The following EPPK1 variants were observed in gnomAD, a reference collection of about 807,000 sequenced individuals.
EPPK1 encodes the protein epiplakin 1, also known as epiplakin.
For missense variants in EPPK1, 3,823 were observed against 3,673.3 expected (o/e 1.04, Z -1.05); for synonymous variants, 1,862 against 1,721.2 (o/e 1.08, Z -2.03).
In EPPK1 at chr8:143,869,823, A is replaced by C. The variant is rs373850122; in HGVS notation, c.3431T>G (p.Leu1144Arg). ...AVPGAKDGTS[L>R]WDLLSSCHFT... ...GTGGCAGGAGCTGAGCAGGTCCCAG[A>C]GGGATGTGCCATCCTTGGCCCCCGG... The change falls in exon 2 of 2, where the codon CTC becomes CGC. Residue 1144 changes from leucine (L) to arginine (R), a missense_variant. By Grantham distance (102) the Leu-to-Arg change is moderately radical. Coordinates refer to ENST00000615648, the MANE Select transcript of EPPK1 (RefSeq NM_031308.4). The C allele has an allele frequency of 1.3e-6, 2 of 1,599,746 alleles. No individual in the cohort carries two copies. Among genetic ancestry groups the C allele is most frequent in the African/African-American group, 1.3e-5 (1 of 74,674 alleles).
In EPPK1 at chr8:143,866,071, G is replaced by A; in HGVS notation, c.7183C>T (p.Leu2395Phe). 1 of 238,358 alleles carries A rather than the reference G, an allele frequency of 4.2e-6. No homozygotes were observed. 14.8% of individuals were successfully genotyped at this position (238,358 alleles called of 1,614,324 possible). ...GFFDPNTHEN[L>F]TYVQLLRRCV... is the part of the protein sequence containing the mutation. ...CGGCGCAGCAGCTGCACGTACGTGA[G>A]GTTCTCGTGCGTGTTGGGGTCGAAG... is the stretch of plus-strand genomic sequence containing the variant. The change falls in exon 2 of 2, where the codon CTC becomes TTC. Residue 2395 changes from leucine (L) to phenylalanine (F), a missense_variant. Physicochemically the swap from Leu to Phe is conservative, Grantham distance 22. Coordinates refer to ENST00000615648, the MANE Select transcript of EPPK1 (RefSeq NM_031308.4).
Position 143,866,928 on chromosome 8 carries a change from T to G in EPPK1, c.6326A>C (p.Glu2109Ala), listed in dbSNP as rs1220994374. The change falls in exon 2 of 2, where the codon GAA becomes GCA. Residue 2109 changes from glutamate to alanine, a missense_variant. Physicochemically the swap from Glu to Ala is moderately radical, Grantham distance 107. Transcript: ENST00000615648. The stretch of plus-strand genomic sequence containing the variant: ...GCCTCTGAACCTTCCCACTGTGATT[T>G]CCACTTGCTCTGCCTCCAGGGCCCT... ...TRRALEAEQV[E>A]ITVGRFRGQK... The G allele has an allele frequency of 6.2e-7, 1 of 1,613,014 alleles. No homozygotes were observed. The highest frequency in any genetic ancestry group is 2.2e-5 in the East Asian group (1 of 44,880).
At chr8:143,877,923 G>A (rs1025267574) in intron 1 of EPPK1, among the ~76,000 whole-genome samples, 2 of 152,018 alleles carry the variant, frequency 1.3e-5, no homozygotes, top group African/African-American at 2.4e-5. Flanking sequence ...GACCCGGAGT[G>A]GCCACCCCTG....
chr8:143,878,191 G>GA lies in EPPK1; in HGVS notation c.-46+246_-46+247insT, dbSNP rs565535383. Among the ~76,000 whole-genome samples the GA allele has an allele frequency of 8.7e-4, 132 of 151,180 alleles. 3 individuals are homozygous for GA. The South Asian group carries it at 0.026, about 29-fold the overall frequency. On this transcript the variant is annotated intron_variant, in intron 1 of 1. Transcript: ENST00000615648. ...CTTCACCGGCGCCCGGGACTCAGGG[G>GA]CGCCACTTCGGACTCGGAGCTCAAA...
rs1819365426 is a variant in EPPK1 at position 143,871,932 on chromosome 8, C to A, written c.1322G>T (p.Gly441Val). The A allele has an allele frequency of 6.2e-7, 1 of 1,603,082 alleles. No individual in the cohort carries two copies. Among genetic ancestry groups the A allele is most frequent in the Admixed American group, 1.7e-5 (1 of 59,792 alleles). The change falls in exon 2 of 2, where the codon GGC becomes GTC. Residue 441 changes from glycine (G) to valine (V), a missense_variant. Gly to Val is a moderately radical substitution (Grantham distance 109). Transcript: ENST00000615648. Reference sequence around the variant, plus strand: ...TTCATAGCGCAGGCCGCCGTGCGTGCCGTCTGAGAAGCTGCCAGCCTGCGA... The same window carrying A: ...TTCATAGCGCAGGCCGCCGTGCGTGACGTCTGAGAAGCTGCCAGCCTGCGA... ...QLSQAGSFSD[G>V]THGGLRYEQL...
rs1554661683 is a variant in EPPK1 at position 143,872,720 on chromosome 8, G to A, written c.534C>T (p.Gly178=). 2 of 1,594,628 alleles carry A rather than the reference G, an allele frequency of 1.3e-6. No individual in the cohort carries two copies. The highest frequency in any genetic ancestry group is 1.7e-6 in the Non-Finnish European group (2 of 1,168,864). The change falls in exon 2 of 2, where the codon GGC becomes GGT. Residue 178 remains glycine (G), a synonymous_variant. Transcript: ENST00000615648. ...TGTGCCATGTCTCCCGGTCCAGGAG[G>A]CCCTGGTGGCAGGCTGGCTCAGGGG... is the stretch of plus-strand genomic sequence containing the variant. ...LVAPEPACHQ[G]LLDRETWHKL... is the part of the protein sequence containing the mutation.
Position 143,867,341 on chromosome 8 carries a change from A to C in EPPK1, c.5913T>G (p.Ala1971=). ...CCCTGTAGCCCGTGGCAGCTCTTTC[A>C]GCCTTCAGGAGCCTCTCCCGCAGCT... The part of the protein sequence containing the change: ...NEELRERLLK[A]ERAATGYRDP... The change falls in exon 2 of 2, where the codon GCT becomes GCG. Residue 1971 remains alanine (A), a synonymous_variant. Transcript: ENST00000615648. The C allele has an allele frequency of 6.2e-7, 1 of 1,612,658 alleles. No homozygotes were observed. The highest frequency in any genetic ancestry group is 8.5e-7 in the Non-Finnish European group (1 of 1,179,826).
At position 143,873,151 on chromosome 8, in the gene EPPK1, G is replaced by A. The variant is rs77375433; in HGVS notation, c.103C>T (p.Pro35Ser). The change falls in exon 2 of 2, where the codon CCC becomes TCC. Residue 35 changes from proline to serine, a missense_variant. Physicochemically the swap from Pro to Ser is moderately conservative, Grantham distance 74 (BLOSUM62 -1). Transcript: ENST00000615648. ...ATGCTCCTGGCCTGGGGCCTGGGGG[G>A]CGTGCCGGCTCCCAGCGTGGCTGCC... ...AMAATLGAGT[P>S]PRPQARSIAG... 1,580 of 1,589,868 alleles carry A rather than the reference G, an allele frequency of 9.9e-4. 5 individuals are homozygous for A. Among genetic ancestry groups the A allele is most frequent in the Non-Finnish European group, 1.3e-3 (1,525 of 1,170,660 alleles).
At position 143,871,709 on chromosome 8, in the gene EPPK1, G is replaced by A. The variant is rs1554661279; in HGVS notation, c.1545C>T (p.Phe515=). Reference sequence around the variant, plus strand: ...TCTGCTCTGAGGAGATGGCCTCAGAGAAGAGCAGCTCCCAGAGGGACACGG... The same window carrying A: ...TCTGCTCTGAGGAGATGGCCTCAGAAAAGAGCAGCTCCCAGAGGGACACGG... The part of the protein sequence containing the change: ...GRPVSLWELL[F]SEAISSEQRA... The change falls in exon 2 of 2, where the codon TTC becomes TTT. Residue 515 remains phenylalanine (F), a synonymous_variant. Coordinates refer to ENST00000615648, the MANE Select transcript of EPPK1 (RefSeq NM_031308.4). The A allele has an allele frequency of 1.9e-6, 3 of 1,608,118 alleles. No individual in the cohort carries two copies. Among genetic ancestry groups the A allele is most frequent in the South Asian group, 2.2e-5 (2 of 90,656 alleles).
intron 1 of EPPK1, among the ~76,000 whole-genome samples, chr8:143,876,883 CGAGGGCGGGGCAGGGCCAGT>C (rs1183291083): frequency 6.6e-6 from 1 of 151,406 alleles, no homozygotes; most frequent in African/African-American, 2.4e-5. Flanking sequence ...GCAGGGCCAG[CGAGGGCGGGGCAGGGCCAGT>C]GAGGGTGGGG....
rs371622431 is a variant in EPPK1, at chr8:143,870,334, T to C, written c.2920A>G (p.Met974Val). Residue 974 changes from methionine (M) to valine (V), a missense_variant, in exon 2 of 2, where the codon ATG becomes GTG. Coordinates refer to ENST00000615648, the MANE Select transcript of EPPK1 (RefSeq NM_031308.4). The surrounding 1 kb of genome is among the most constrained non-coding windows in gnomAD (Gnocchi z 5.2). ...LEAQAATGTI[M>V]DPHSPESLSV... Reference sequence around the variant, plus strand: ...AGGCTCTCTGGGCTGTGAGGGTCCATGATGGTTCCGGTGGCCGCCTGGGCC... The same window carrying C: ...AGGCTCTCTGGGCTGTGAGGGTCCACGATGGTTCCGGTGGCCGCCTGGGCC... 9 of 1,561,012 alleles carry C rather than the reference T, an allele frequency of 5.8e-6. No homozygotes were observed. The East Asian group carries it at 1.4e-4, about 24-fold the overall frequency.
Position 143,869,185 on chromosome 8 carries a change from G to C in EPPK1, c.4069C>G (p.Gln1357Glu). Residue 1357 changes from glutamine (Q) to glutamate (E), a missense_variant, in exon 2 of 2, where the codon CAG (glutamine) becomes GAG (glutamate). Coordinates refer to ENST00000615648, the MANE Select transcript of EPPK1 (RefSeq NM_031308.4). ...ACACCCCCTGTGGCCAGCTGCACCT[G>C]CAGGAGGGGCAAGCCCTCGTTCTGT... ...VPQNEGLPLL[Q>E]VQLATGGVVD... 6.2e-7 allele frequency: 1 copy of C among 1,609,058 alleles called. No homozygotes were observed. Among genetic ancestry groups the C allele is most frequent in the Non-Finnish European group, 8.5e-7 (1 of 1,179,640 alleles).
rs782346489 is a variant in EPPK1, at chr8:143,871,960, G to C, written c.1294C>G (p.Leu432Val). 2.3e-5 allele frequency: 36 copies of C among 1,598,368 alleles called. No homozygotes were observed. Among genetic ancestry groups the C allele is most frequent in the Non-Finnish European group, 2.8e-5 (33 of 1,177,316 alleles). The stretch of plus-strand genomic sequence containing the variant: ...TCTGAGAAGCTGCCAGCCTGCGAGA[G>C]CTGCCGCTGAGTGTCTTCATCCAGG... ...GCLDEDTQRQLSQAGSFSDGT... is the reference protein window; with the variant it reads ...GCLDEDTQRQVSQAGSFSDGT... The change falls in exon 2 of 2, where the codon CTC (leucine) becomes GTC (valine). Residue 432 changes from leucine to valine, a missense_variant. Physicochemically the swap from Leu to Val is conservative, Grantham distance 32. Coordinates refer to ENST00000615648, the MANE Select transcript of EPPK1 (RefSeq NM_031308.4).
At chr8:143,878,374 T>TGCCCGCATCCGCCGCACCTGCCCGCACCC (rs1563891958) in intron 1 of EPPK1, 64 bp downstream of exon 1, 85 of 91,832 alleles carry the variant, frequency 9.3e-4, no homozygotes, top group African/African-American at 4.1e-3. Flanking sequence ...CCGCCGCACC[T>TGCCCGCATCCGCCGCACCTGCCCGCACCC]GCCCGCACCC....
rs782722315 is a variant in EPPK1, at chr8:143,867,299, G to A, written c.5955C>T (p.Asp1985=). The change falls in exon 2 of 2, where the codon GAC becomes GAT. Residue 1985 remains aspartate (D), a synonymous_variant. Transcript: ENST00000615648. ...ATGYRDPATG[D]TIPLFQAMQK... is the part of the protein sequence containing the mutation. ...GCATGGCCTGGAACAGCGGGATCGT[G>A]TCTCCTGTGGCCGGATCCCTGTAGC... is the stretch of plus-strand genomic sequence containing the variant. The A allele has an allele frequency of 3.7e-6, 6 of 1,612,472 alleles. No individual in the cohort carries two copies. In the Admixed American group the frequency reaches 1.0e-4, roughly 27 times the overall value.
In EPPK1 at chr8:143,868,261, G is replaced by C. The variant is rs782774316; in HGVS notation, c.4993C>G (p.Gln1665Glu). 3.1e-6 allele frequency: 5 copies of C among 1,613,230 alleles called. No homozygotes were observed. Among genetic ancestry groups the C allele is most frequent in the South Asian group, 1.1e-5 (1 of 91,080 alleles). ...ACGATGAGGTCCTTCTGCATGGCCT[G>C]GAAGAGGGAGATCTGCTGCCCGGTA... ...PYTGQQISLFQAMQKDLIVRE... is the reference protein window; with the variant it reads ...PYTGQQISLFEAMQKDLIVRE... The change falls in exon 2 of 2, where the codon CAG becomes GAG. Residue 1665 changes from glutamine to glutamate, a missense_variant. By Grantham distance (29) the Gln-to-Glu change is conservative. Coordinates refer to ENST00000615648, the MANE Select transcript of EPPK1 (RefSeq NM_031308.4).
At chr8:143,874,737 A>G (rs1181415549) in intron 1 of EPPK1, among the ~76,000 whole-genome samples, 3 of 151,386 alleles carry the variant, frequency 2.0e-5, no homozygotes, top group African/African-American at 7.3e-5. Flanking sequence ...TTTTCTCAGC[A>G]CTACGGGCCC....
Position 143,872,350 on chromosome 8 carries a change from A to G in EPPK1, c.904T>C (p.Phe302Leu), listed in dbSNP as rs1265059032. Residue 302 changes from phenylalanine (F) to leucine (L), a missense_variant, in exon 2 of 2, where the codon TTC (phenylalanine) becomes CTC (leucine). Phe to Leu is a conservative substitution (Grantham distance 22, BLOSUM62 0). Coordinates refer to ENST00000615648, the MANE Select transcript of EPPK1 (RefSeq NM_031308.4). Reference protein sequence around the residue: ...LLPEGHKKSFFQAATEHLLPM... With the variant: ...LLPEGHKKSFLQAATEHLLPM... Reference sequence around the variant, plus strand: ...AGCAGGTGCTCGGTGGCAGCCTGGAAAAAGCTCTTCTTGTGGCCTTCGGGC... The same window carrying G: ...AGCAGGTGCTCGGTGGCAGCCTGGAGAAAGCTCTTCTTGTGGCCTTCGGGC... 6.2e-7 allele frequency: 1 copy of G among 1,605,230 alleles called. No homozygotes were observed. The highest frequency in any genetic ancestry group is 1.3e-5 in the African/African-American group (1 of 74,790).
chr8:143,857,944 C>G lies in EPPK1; in HGVS notation c.*43G>C. On this transcript the variant is annotated 3_prime_UTR_variant, in exon 2 of 2. Transcript: ENST00000615648. ...ACAACCCAGACACACAAGTATGCCT[C>G]CACTTCTCCAGAGTTGCAGAAAACT... 1 of 1,159,164 alleles carries G rather than the reference C, an allele frequency of 8.6e-7. No individual in the cohort carries two copies. Among genetic ancestry groups the G allele is most frequent in the Non-Finnish European group, 1.2e-6 (1 of 829,560 alleles). 71.8% of individuals were successfully genotyped at this position (1,159,164 alleles called of 1,614,324 possible).
Sources: gnomAD v4.1 joint callset for allele counts (sites outside exome capture counted in the v4.1 genomes callset) on GRCh38, gnomAD v4.1.1 for gene constraint, Gnocchi (gnomAD v3.1) non-coding constraint, MANE v1.5 for transcripts, NCBI Gene and HGNC (gene_info 2026-07-23, HGNC 2026-07-21) for gene names.